The following CREBBP variants were observed in gnomAD, a reference collection of about 807,000 sequenced individuals.
CREBBP encodes CREB-binding protein.
In CREBBP, 19 loss-of-function variants were observed where a neutral mutation model predicts 265.0. That is an observed-to-expected ratio of 0.07 (90% CI 0.05 to 0.11). The LOEUF is 0.11. CREBBP is among the 10% of genes least tolerant of loss of function. The pLI is 1.00. For missense variants in CREBBP, 2,525 were observed against 3,219.0 expected (o/e 0.78, Z 5.22); for synonymous variants, 1,457 against 1,223.7 (o/e 1.19, Z -3.98).
chr16:3,800,594 G>C (rs1424168884), intron 3 of CREBBP, among the ~76,000 whole-genome samples: 3 of 152,096 alleles, frequency 2.0e-5, no homozygotes, highest in African/African-American at 7.2e-5. Context: ...TGTAGTCCCA[G>C]CTACTCAGGA....
chr16:3,880,225 G>A lies in CREBBP; in HGVS notation c.-309C>T, dbSNP rs1243947905. The A allele has an allele frequency of 7.2e-6, 1 of 138,446 alleles. No individual in the cohort carries two copies. Among genetic ancestry groups the A allele is most frequent in the East Asian group, 2.2e-4 (1 of 4,470 alleles). 8.6% of individuals were successfully genotyped at this position (138,446 alleles called of 1,614,324 possible). On this transcript the variant is annotated 5_prime_UTR_variant, in exon 1 of 31. Coordinates refer to ENST00000262367, the MANE Select transcript of CREBBP (RefSeq NM_004380.3). ...ACTCCGCGGTGGGGGCGCCCCGGCG[G>A]CCCGGCCGCCCCCCCGGGCCCGGCT...
chr16:3,781,459 C>T (rs2053272462), intron 6 of CREBBP, among the ~76,000 whole-genome samples, 153 bp from the exon 7 acceptor site: 1 of 152,128 alleles, frequency 6.6e-6, no homozygotes, highest in Admixed American at 6.5e-5. Context: ...GCGGCAGGAA[C>T]TCTGAGTGTC....
intron 2 of CREBBP, 99 bp downstream of exon 2, chr16:3,850,198 G>C: frequency 8.2e-7 from 1 of 1,220,458 alleles, no homozygotes. Context: ...AGCCCAAGAG[G>C]AAAAACAGGA....
intron 17 of CREBBP, 135 bp downstream of exon 17, chr16:3,758,719 A>G (rs1390224814): frequency 1.3e-6 from 1 of 766,788 alleles, no homozygotes; most frequent in Non-Finnish European, 2.3e-6. Flanking sequence ...AACTGTTAAC[A>G]GACAACAGTT....
At chr16:3,807,953 C>T (rs1335976068) in intron 3 of CREBBP, among the ~76,000 whole-genome samples, 1 of 152,104 alleles carries the variant, frequency 6.6e-6, no homozygotes, top group Non-Finnish European at 1.5e-5. Flanking sequence ...TCAGTTTACC[C>T]CCAACAGGCA....
intron 19 of CREBBP, among the ~76,000 whole-genome samples, chr16:3,753,006 T>A (rs2052508602): frequency 6.6e-6 from 1 of 151,324 alleles, no homozygotes; most frequent in Non-Finnish European, 1.5e-5. Context: ...CGGGTGGAGG[T>A]GGATCACACA....
rs767813802 is a variant in CREBBP, at chr16:3,850,483, C to A, written c.612G>T (p.Gly204=). 21 of 1,614,234 alleles carry A rather than the reference C, an allele frequency of 1.3e-5. No homozygotes were observed. The highest frequency in any genetic ancestry group is 1.8e-5 in the Non-Finnish European group (21 of 1,180,038). ...GHSLINQASQ[G]QAQVMNGSLG... Reference sequence around the variant, plus strand: ...GAGATCCATTCATGACTTGCGCCTGCCCTTGTGAAGCCTGATTAATTAAGC... The same window carrying A: ...GAGATCCATTCATGACTTGCGCCTGACCTTGTGAAGCCTGATTAATTAAGC... Residue 204 remains glycine, a synonymous_variant, in exon 2 of 31, where the codon GGG becomes GGT. Transcript: ENST00000262367.
chr16:3,763,992 A>T (rs902017803), intron 16 of CREBBP, among the ~76,000 whole-genome samples: 2 of 151,882 alleles, frequency 1.3e-5, no homozygotes, highest in African/African-American at 2.4e-5. Flanking sequence ...CTACAGGCGC[A>T]TGCTGCCACA....
chr16:3,855,369 G>A (rs2054938007), intron 1 of CREBBP, among the ~76,000 whole-genome samples: 1 of 152,184 alleles, frequency 6.6e-6, no homozygotes, highest in South Asian at 2.1e-4. Flanking sequence ...CCGGGTTCAA[G>A]CAATTCTCCA....
rs1215061668 is a variant in CREBBP at position 3,758,975 on chromosome 16, G to A, written c.3251-3C>T. The A allele has an allele frequency of 1.2e-6, 2 of 1,601,638 alleles. No homozygotes were observed. The highest frequency in any genetic ancestry group is 1.7e-5 in the Admixed American group (1 of 59,984). On this transcript the variant is annotated splice_region_variant and splice_polypyrimidine_tract_variant and intron_variant, in intron 16 of 30. Transcript: ENST00000262367. ...GCGTAACTCCTCTGGTTTAAAGACTGCAGAGAAAACATCAAGAAAAGACAC... is the reference window on the plus strand; with the variant it reads ...GCGTAACTCCTCTGGTTTAAAGACTACAGAGAAAACATCAAGAAAAGACAC...
rs538733042 is a variant in CREBBP, at chr16:3,861,377, G to GT, written c.86-10369dup. Among the ~76,000 whole-genome samples the GT allele has an allele frequency of 1.1e-4, 17 of 152,332 alleles. No homozygotes were observed. The East Asian group carries it at 3.3e-3, about 29-fold the overall frequency. ...CATTTAGCACTGAGCTTGGCATGCA[G>GT]TAAGGACTCAAAAAATATTAGTCAT... On this transcript the variant is annotated intron_variant, in intron 1 of 30. Transcript: ENST00000262367.
intron 21 of CREBBP, 131 bp from the exon 22 acceptor site, chr16:3,745,485 G>A: frequency 2.6e-6 from 2 of 764,056 alleles, no homozygotes; most frequent in Non-Finnish European, 2.3e-6. Context: ...TAATGCGTGT[G>A]TTGGCTGATT....
chr16:3,788,735 T>A (rs536810430), intron 5 of CREBBP, among the ~76,000 whole-genome samples: 1 of 152,310 alleles, frequency 6.6e-6, no homozygotes, highest in South Asian at 2.1e-4. Context: ...GAAGATCACT[T>A]GAGCTCAGGA....
intron 3 of CREBBP, 110 bp from the exon 4 acceptor site, chr16:3,793,736 G>T: frequency 7.6e-7 from 1 of 1,317,522 alleles, no homozygotes; most frequent in Non-Finnish European, 1.0e-6. Context: ...ACCGACCACA[G>T]AGAGAAGGCT....
intron 19 of CREBBP, among the ~76,000 whole-genome samples, chr16:3,754,794 G>A (rs1197195525): frequency 6.6e-6 from 1 of 152,184 alleles, no homozygotes; most frequent in African/African-American, 2.4e-5. Context: ...GGTTTCACTT[G>A]TTTAAATGAT....
At chr16:3,812,829 G>A (rs1426995315) in intron 2 of CREBBP, 1 of 184,436 alleles carries the variant, frequency 5.4e-6, no homozygotes, top group East Asian at 8.8e-5. Context: ...CTGTATTTCT[G>A]GAGTAGTGGT....
At chr16:3,866,396 T>A (rs1368785927) in intron 1 of CREBBP, among the ~76,000 whole-genome samples, 3 of 152,182 alleles carry the variant, frequency 2.0e-5, no homozygotes, top group East Asian at 3.9e-4. Context: ...TAAAACACAA[T>A]CCATTTTCCT....
At chr16:3,851,182 G>A (rs2054826198) in intron 1 of CREBBP, among the ~76,000 whole-genome samples, 173 bp from the exon 2 acceptor site, 3 of 151,560 alleles carry the variant, frequency 2.0e-5, no homozygotes, top group Admixed American at 6.6e-5. Flanking sequence ...CAGCTACTCG[G>A]GAGGCTAAGG....
chr16:3,811,079 G>A (rs758423503), intron 2 of CREBBP, among the ~76,000 whole-genome samples: 36 of 151,960 alleles, frequency 2.4e-4, no homozygotes, highest in Non-Finnish European at 4.0e-4. Context: ...AAGTCATTTG[G>A]AAAACAAAAC....
Sources: allele counts gnomAD v4.1 joint callset (sites outside exome capture counted in the v4.1 genomes callset), GRCh38; gene constraint gnomAD v4.1.1; transcripts MANE v1.5; gene names NCBI Gene and HGNC (gene_info 2026-07-23, HGNC 2026-07-21).